CEP95: variants seen among roughly 807,000 people sequenced by gnomAD.
The protein encoded by CEP95 is centrosomal protein 95, also known as centrosomal protein of 95 kDa.
In CEP95, 98 loss-of-function variants were observed where a neutral mutation model predicts 111.2. The observed-to-expected ratio is 0.88, with a 90% CI of 0.75 to 1.04. The LOEUF is 1.04. Among genes scored for constraint, CEP95 ranks in the 50% least tolerant of loss-of-function variants. The pLI, the probability that CEP95 is intolerant of heterozygous loss-of-function variation, is 0.00. For synonymous variants in CEP95, 323 were observed against 327.1 expected, an observed-to-expected ratio of 0.99 and a Z score of 0.14; for missense variants, 1,027 against 977.2, an observed-to-expected ratio of 1.05 and a Z score of -0.68.
At chr17:64,532,642 A>T in intron 14 of CEP95, 197 bp from the exon 15 acceptor site, 1 of 1,393,412 alleles carries the variant, frequency 7.2e-7, no homozygotes, top group Non-Finnish European at 9.3e-7. Flanking sequence ...ATCCAGAACT[A>T]TTGAGCTTAT....
chr17:64,535,103 C>T (rs1374855405), intron 17 of CEP95: 7 of 250,370 alleles, frequency 2.8e-5, no homozygotes, highest in Non-Finnish European at 4.8e-5. Flanking sequence ...TCCAGCTGTG[C>T]TGTGAGGGGT....
At chr17:64,527,581 C>T (rs1967920449) in intron 11 of CEP95, among the ~76,000 whole-genome samples, 1 of 152,058 alleles carries the variant, frequency 6.6e-6, no homozygotes, top group Non-Finnish European at 1.5e-5. Context: ...TGTTTTTATA[C>T]TTTAAGAGCT....
chr17:64,525,418 A>G (rs782275768), intron 8 of CEP95, among the ~76,000 whole-genome samples: 2 of 152,148 alleles, frequency 1.3e-5, no homozygotes, highest in Admixed American at 6.5e-5. Flanking sequence ...GACAGCCTTT[A>G]TTGACATTGA....
Position 64,507,112 on chromosome 17 carries a change from T to C in CEP95, c.15T>C (p.Asp5=). The part of the protein sequence containing the change: MAGS[D]AEWVTIANNL... Reference sequence around the variant, plus strand: ...GCCTCTGAAACATGGCAGGCTCGGATGCTGGTGAGTGTCTCCCTGGGGTCC... The same window carrying C: ...GCCTCTGAAACATGGCAGGCTCGGACGCTGGTGAGTGTCTCCCTGGGGTCC... The change falls in exon 1 of 20, where the codon GAT becomes GAC. Residue 5 remains aspartate (D), a synonymous_variant. Coordinates refer to ENST00000556440, the MANE Select transcript of CEP95 (RefSeq NM_138363.3). The C allele has an allele frequency of 6.4e-7, 1 of 1,551,466 alleles. No homozygotes were observed. The highest frequency in any genetic ancestry group is 8.7e-7 in the Non-Finnish European group (1 of 1,146,952).
intron 14 of CEP95, chr17:64,532,556 T>C: frequency 2.5e-6 from 3 of 1,195,150 alleles, no homozygotes; most frequent in Non-Finnish European, 3.1e-6. Context: ...TGTTTTACCG[T>C]ACGTAGAGAA....
rs146800257 is a variant in CEP95, at chr17:64,522,271, A to G, written c.716-431A>G. The stretch of plus-strand genomic sequence containing the variant: ...GACGAACCATAATTCACATAACATA[A>G]CATTCTTCAAGCCATTTAAGTTGCT... On this transcript the variant is annotated intron_variant, in intron 7 of 19. Transcript: ENST00000556440. 7.2e-3 allele frequency among the ~76,000 whole-genome samples: 1,092 copies of G among 152,294 alleles called. 17 individuals are homozygous for G. The highest frequency in any genetic ancestry group is 0.025 in the African/African-American group (1,035 of 41,540).
Position 64,524,095 on chromosome 17 carries a change from G to A in CEP95, c.909+1200G>A, listed in dbSNP as rs561864159. ...GGAGAGGGATTAGATAAAAAGAGGTGTTAAAATGGAGTCATAAGATAATGT... is the reference window on the plus strand; with the variant it reads ...GGAGAGGGATTAGATAAAAAGAGGTATTAAAATGGAGTCATAAGATAATGT... On this transcript the variant is annotated intron_variant, in intron 8 of 19. Transcript: ENST00000556440. Among the ~76,000 whole-genome samples the A allele has an allele frequency of 4.6e-5, 7 of 152,246 alleles. No individual in the cohort carries two copies. The East Asian group carries it at 7.7e-4, about 17-fold the overall frequency.
rs782190589 is a variant in CEP95 at position 64,534,656 on chromosome 17, C to T, written c.1989C>T (p.Ile663=). ...AGATAAAAGAAAATCGACAGCAAAT[C>T]GTTCGTGCTCGAAAATATTATGATG... The part of the protein sequence containing the change: ...QSKIKENRQQ[I]VRARKYYDDY... Residue 663 remains isoleucine, a synonymous_variant, in exon 17 of 20, where the codon ATC becomes ATT. Transcript: ENST00000556440. 5.0e-6 allele frequency: 8 copies of T among 1,613,654 alleles called. No homozygotes were observed. Among genetic ancestry groups the T allele is most frequent in the East Asian group, 2.2e-5 (1 of 44,854 alleles).
chr17:64,516,297 AT>A (rs2039141416), intron 4 of CEP95, among the ~76,000 whole-genome samples: 1 of 152,200 alleles, frequency 6.6e-6, no homozygotes, highest in African/African-American at 2.4e-5. Flanking sequence ...AAAAAGACTG[AT>A]GGTCTTAAGA....
chr17:64,514,187 G>T, intron 3 of CEP95, 61 bp from the exon 4 acceptor site: 1 of 679,584 alleles, frequency 1.5e-6, no homozygotes, highest in Non-Finnish European at 2.6e-6. Context: ...CAAGTTTCAA[G>T]ATTATGAAGC....
intron 4 of CEP95, among the ~76,000 whole-genome samples, chr17:64,515,232 T>C (rs1259908096): frequency 1.3e-5 from 2 of 152,174 alleles, no homozygotes; most frequent in African/African-American, 4.8e-5. Flanking sequence ...CTCTCAAACC[T>C]GTACTTGAGT....
intron 1 of CEP95, 120 bp from the exon 2 acceptor site, chr17:64,508,472 A>C: frequency 1.7e-6 from 2 of 1,189,584 alleles, no homozygotes; most frequent in East Asian, 3.5e-5. Flanking sequence ...CAAATTCCTT[A>C]TCTTCTGCAA....
intron 1 of CEP95, 194 bp downstream of exon 1, chr17:64,507,310 G>A: frequency 2.1e-6 from 3 of 1,452,914 alleles, no homozygotes; most frequent in South Asian, 2.9e-5. Flanking sequence ...TGGAACAGCA[G>A]TATGCTGTGG....
At chr17:64,514,845 G>A (rs1021456134) in intron 4 of CEP95, 4 of 165,466 alleles carry the variant, frequency 2.4e-5, no homozygotes, top group African/African-American at 9.5e-5. Flanking sequence ...TTGAGATTAA[G>A]TAAATAATGC....
chr17:64,509,854 C>T (rs1460614958), intron 2 of CEP95, among the ~76,000 whole-genome samples: 1 of 151,738 alleles, frequency 6.6e-6, no homozygotes, highest in African/African-American at 2.4e-5. Context: ...ACCACTTTAT[C>T]TTCCTTAACA....
At chr17:64,508,006 T>A in intron 1 of CEP95, 10 of 985,316 alleles carry the variant, frequency 1.0e-5, no homozygotes, top group Non-Finnish European at 1.2e-5. Flanking sequence ...TCCCATATTT[T>A]CTTTCATATA....
At chr17:64,527,672 G>GT (rs1394327924) in intron 11 of CEP95, among the ~76,000 whole-genome samples, 11 of 151,840 alleles carry the variant, frequency 7.2e-5, no homozygotes, top group Non-Finnish European at 1.2e-4. Context: ...TGCAACTTGC[G>GT]TTTTTTTCTG....
intron 8 of CEP95, among the ~76,000 whole-genome samples, chr17:64,524,201 T>A (rs1233416441): frequency 2.0e-5 from 3 of 152,184 alleles, no homozygotes; most frequent in Admixed American, 6.5e-5. Flanking sequence ...TGGGTGGCAG[T>A]TAAAGGGGAG....
chr17:64,537,372 GTA>G, intron 19 of CEP95: 1 of 1,399,436 alleles, frequency 7.1e-7, no homozygotes, highest in South Asian at 1.8e-5. Context: ...AAAACCAAAT[GTA>G]TTATACCTGT....
Sources: allele counts gnomAD v4.1 joint callset (sites outside exome capture counted in the v4.1 genomes callset), GRCh38; gene constraint gnomAD v4.1.1; transcripts MANE v1.5; gene names NCBI Gene and HGNC (gene_info 2026-07-23, HGNC 2026-07-21).